Variants in CHRNA4 observed in about 807,000 individuals in gnomAD.
The protein encoded by CHRNA4 is neuronal acetylcholine receptor subunit alpha-4.
A neutral mutation model predicts 48.9 loss-of-function variants in CHRNA4; 28 were observed. The observed-to-expected ratio is 0.57, with a 90% CI of 0.42 to 0.79. The LOEUF (loss-of-function observed/expected upper bound fraction) is 0.79, where lower values mean the gene tolerates loss of function less well. Ranked by LOEUF, CHRNA4 falls within the 30% of genes least tolerant of loss-of-function variation. The pLI is 0.00. For missense variants in CHRNA4, 859 were observed against 898.4 expected, an observed-to-expected ratio of 0.96 and a Z score of 0.56; for synonymous variants, 425 against 402.3, an observed-to-expected ratio of 1.06 and a Z score of -0.68.
At position 63,344,539 on chromosome 20, in the gene CHRNA4, C is replaced by T. The variant is rs1271768267; in HGVS notation, c.*2199G>A. 2.2e-6 allele frequency: 1 copy of T among 453,326 alleles called. No homozygotes were observed. The highest frequency in any genetic ancestry group is 7.0e-5 in the East Asian group (1 of 14,366). 28.1% of individuals were successfully genotyped at this position (453,326 alleles called of 1,614,324 possible). On this transcript the variant is annotated 3_prime_UTR_variant, in exon 6 of 6. Coordinates refer to ENST00000370263, the MANE Select transcript of CHRNA4 (RefSeq NM_000744.7). This position sits in a 1 kb window ranked among gnomAD's most constrained non-coding sequence, Gnocchi z 4.5. ...AAGGGGTCTTCCCCCAGGCAAGCGG[C>T]CACCCCCGGCAGGAGGGTCCCCCGG...
rs200306139 is a variant in CHRNA4, at chr20:63,346,188, C to T, written c.*550G>A. On this transcript the variant is annotated 3_prime_UTR_variant, in exon 6 of 6. Coordinates refer to ENST00000370263, the MANE Select transcript of CHRNA4 (RefSeq NM_000744.7). The stretch of plus-strand genomic sequence containing the variant: ...AATCCCTGCCTGGACCCTCTCCTAG[C>T]GAAGCAGATTGGAGCGCTGCTGGCT... 24 of 454,218 alleles carry T rather than the reference C, an allele frequency of 5.3e-5. No homozygotes were observed. The highest frequency in any genetic ancestry group is 1.4e-4 in the African/African-American group (7 of 50,150). The allele number at this position is 454,218 out of a possible 1,614,324, so 28.1% of individuals were successfully genotyped here.
At chr20:63,348,546 G>A (rs973817903) in intron 5 of CHRNA4, among the ~76,000 whole-genome samples, 3 of 152,198 alleles carry the variant, frequency 2.0e-5, no homozygotes, top group Non-Finnish European at 1.5e-5. Flanking sequence ...ATAAACCATC[G>A]AGGATGGCGC....
intron 4 of CHRNA4, chr20:63,355,684 G>A: frequency 1.0e-6 from 1 of 985,522 alleles, no homozygotes; most frequent in Non-Finnish European, 1.5e-6. Context: ...GTGTCCAGGT[G>A]CCATAGCCAC....
intron 4 of CHRNA4, among the ~76,000 whole-genome samples, chr20:63,352,667 C>T (rs557614804): frequency 3.3e-5 from 5 of 152,366 alleles, no homozygotes; most frequent in Admixed American, 2.0e-4. Context: ...AAAAGATTCT[C>T]ATATGGCAAG....
rs2273506 is a variant in CHRNA4, at chr20:63,359,587, G to A, written c.189C>T (p.Leu63=). 127,836 of 1,612,634 alleles carry A rather than the reference G, an allele frequency of 0.079. 5,925 individuals carry two copies. Among genetic ancestry groups the A allele is most frequent in the Middle Eastern group, 0.17 (1,016 of 6,050 alleles). ...GAGCGATGGACAGGCCGAAGCGGAC[G>A]AGGACCACGTCCGAGATGTTGGCCA... ...RPVANISDVV[L]VRFGLSIAQL... is the part of the protein sequence containing the mutation. The change falls in exon 2 of 6, where the codon CTC becomes CTT. Residue 63 remains leucine (L), a synonymous_variant. Coordinates refer to ENST00000370263, the MANE Select transcript of CHRNA4 (RefSeq NM_000744.7).
rs1419028330 is a variant in CHRNA4, at chr20:63,351,173, G to GC, written c.384-147dup. ...CGTCCACGCCCACATCCACGTCCACGCCCACATCCATGTCCCACGCCCACA... is the reference window on the plus strand; with the variant it reads ...CGTCCACGCCCACATCCACGTCCACGCCCCACATCCATGTCCCACGCCCACA... On this transcript the variant is annotated intron_variant, in intron 4 of 5. Transcript: ENST00000370263. The GC allele has an allele frequency of 3.6e-4, 183 of 502,018 alleles. 2 individuals are homozygous for GC. Among genetic ancestry groups the GC allele is most frequent in the South Asian group, 2.0e-3 (98 of 49,342 alleles). The allele number at this position is 502,018 out of a possible 1,614,324, so 31.1% of individuals were successfully genotyped here. A position where few individuals can be genotyped will look rare whatever the true frequency, so the allele number is the denominator to read the frequency against.
In CHRNA4 at chr20:63,350,395, G is replaced by A; in HGVS notation, c.1016C>T (p.Thr339Ile). The stretch of plus-strand genomic sequence containing the variant: ...GACCCTGCGTACCCAGGTGGGCATG[G>A]TGTGCGTGCGTGGCGAGCGGTGGTG... ...NVHHRSPRTH[T>I]MPTWVRRVFL... Residue 339 changes from threonine to isoleucine, a missense_variant, in exon 5 of 6, where the codon ACC (threonine) becomes ATC (isoleucine). Physicochemically the swap from Thr to Ile is moderately conservative, Grantham distance 89 (BLOSUM62 -1). Around this residue, in one of 3 missense-constraint regions of CHRNA4, gnomAD observed 478 missense variants for 455.4 expected, o/e 1.05. Transcript: ENST00000370263. The A allele has an allele frequency of 6.2e-7, 1 of 1,613,936 alleles. No individual in the cohort carries two copies. The highest frequency in any genetic ancestry group is 8.5e-7 in the Non-Finnish European group (1 of 1,180,040).
chr20:63,350,552 C>A lies in CHRNA4; in HGVS notation c.859G>T (p.Val287Phe), dbSNP rs772253190. ...ATCTCGGTGATGAGCAGCAGGAAGACGGTGAGCGACAGCAGCACGGAGATG... is the reference window on the plus strand; with the variant it reads ...ATCTCGGTGATGAGCAGCAGGAAGAAGGTGAGCGACAGCAGCACGGAGATG... The part of the protein sequence containing the change: ...LCISVLLSLT[V>F]FLLLITEIIP... Residue 287 changes from valine (V) to phenylalanine (F), a missense_variant, in exon 5 of 6, where the codon GTC (valine) becomes TTC (phenylalanine). This residue lies in a region of CHRNA4 where 39 missense variants were observed against 77.7 expected (regional missense o/e 0.50). Coordinates refer to ENST00000370263, the MANE Select transcript of CHRNA4 (RefSeq NM_000744.7). 1 of 1,613,762 alleles carries A rather than the reference C, an allele frequency of 6.2e-7. No individual in the cohort carries two copies. The highest frequency in any genetic ancestry group is 1.3e-5 in the African/African-American group (1 of 74,932).
chr20:63,355,191 T>G (rs1488926644), intron 4 of CHRNA4, among the ~76,000 whole-genome samples: 1 of 152,164 alleles, frequency 6.6e-6, no homozygotes, highest in Admixed American at 6.5e-5. Flanking sequence ...CAGAGAGCGC[T>G]GGCTGCCGGG....
At chr20:63,355,820 C>A in intron 4 of CHRNA4, 155 bp downstream of exon 4, 1 of 1,109,190 alleles carries the variant, frequency 9.0e-7, no homozygotes, top group South Asian at 1.4e-5. Context: ...CCTGCTTCTT[C>A]CTTCCTGGGC....
At chr20:63,356,544 G>T (rs2068721864) in intron 2 of CHRNA4, 129 bp from the exon 3 acceptor site, 1 of 969,306 alleles carries the variant, frequency 1.0e-6, no homozygotes, top group East Asian at 2.6e-5. Context: ...GCGACCTGTG[G>T]AGGGGGTGAG....
Position 63,356,414 on chromosome 20 carries a change from T to A in CHRNA4, c.230A>T (p.Asp77Val). The A allele has an allele frequency of 6.2e-7, 1 of 1,601,314 alleles. No homozygotes were observed. The highest frequency in any genetic ancestry group is 8.5e-7 in the Non-Finnish European group (1 of 1,174,326). ...GLSIAQLIDV[D>V]EKNQMMTTNV... is the part of the protein sequence containing the mutation. ...CGTGGTCATCATCTGGTTCTTCTCATCCTAGGGCACCGAGAGAGGAAGGGG... is the reference window on the plus strand; with the variant it reads ...CGTGGTCATCATCTGGTTCTTCTCAACCTAGGGCACCGAGAGAGGAAGGGG... The change falls in exon 3 of 6, where the codon GAT becomes GTT. Residue 77 changes from aspartate to valine, a missense_variant and splice_region_variant. By Grantham distance (152) the Asp-to-Val change is radical. Coordinates refer to ENST00000370263, the MANE Select transcript of CHRNA4 (RefSeq NM_000744.7).
intron 4 of CHRNA4, among the ~76,000 whole-genome samples, chr20:63,353,923 G>GGCTGTGGTACTGGGGGGA (rs1156243499): frequency 1.4e-5 from 1 of 72,662 alleles, no homozygotes; most frequent in African/African-American, 5.5e-5. Context: ...GTCCTGGGGG[G>GGCTGTGGTACTGGGGGGA]CTGTGGTCCT....
chr20:63,354,722 T>C, intron 4 of CHRNA4: 1 of 924,000 alleles, frequency 1.1e-6, no homozygotes, highest in Non-Finnish European at 1.3e-6. Flanking sequence ...GCGGCTTCTC[T>C]GCCCGGCCCA....
intron 4 of CHRNA4, among the ~76,000 whole-genome samples, chr20:63,351,767 G>A (rs1181160060): frequency 3.3e-5 from 5 of 152,224 alleles, no homozygotes; most frequent in African/African-American, 9.6e-5. Context: ...CTTGGGGGAC[G>A]TGGGTGTTCT....
chr20:63,352,707 T>C (rs773864531), intron 4 of CHRNA4, among the ~76,000 whole-genome samples: 15 of 152,198 alleles, frequency 9.9e-5, no homozygotes, highest in Non-Finnish European at 1.9e-4. Context: ...GCACACACTC[T>C]ACAGGGAACG....
chr20:63,354,738 G>T, intron 4 of CHRNA4: 1 of 763,964 alleles, frequency 1.3e-6, no homozygotes, highest in Non-Finnish European at 1.6e-6. Flanking sequence ...GCCCATCCTG[G>T]GCGTTTCCAC....
rs932840680 is a variant in CHRNA4, at chr20:63,346,015, G to A, written c.*723C>T. The A allele has an allele frequency of 1.1e-5, 5 of 453,900 alleles. No individual in the cohort carries two copies. The highest frequency in any genetic ancestry group is 7.0e-5 in the East Asian group (1 of 14,380). 28.1% of individuals were successfully genotyped at this position (453,900 alleles called of 1,614,324 possible). Reference sequence around the variant, plus strand: ...CTGGGGCTGGGTGTTCCTGTCCCCCGCGGAGGGCCTGCGCAGGGGAGAGCT... The same window carrying A: ...CTGGGGCTGGGTGTTCCTGTCCCCCACGGAGGGCCTGCGCAGGGGAGAGCT... On this transcript the variant is annotated 3_prime_UTR_variant, in exon 6 of 6. Coordinates refer to ENST00000370263, the MANE Select transcript of CHRNA4 (RefSeq NM_000744.7).
intron 4 of CHRNA4, chr20:63,354,667 T>A (rs1274570099): frequency 2.2e-6 from 2 of 897,748 alleles, no homozygotes. Flanking sequence ...AGAGGCTTCG[T>A]TCCTGGGGGC....
Sources: allele counts gnomAD v4.1 joint callset (sites outside exome capture counted in the v4.1 genomes callset), GRCh38; gene constraint gnomAD v4.1.1; regional missense constraint gnomAD v4.1.1; non-coding constraint Gnocchi (gnomAD v3.1); transcripts MANE v1.5; gene names NCBI Gene and HGNC (gene_info 2026-07-23, HGNC 2026-07-21).